The following RALGPS2 variants were observed in gnomAD, a reference collection of about 807,000 sequenced individuals.
The protein encoded by RALGPS2 is Ral GEF with PH domain and SH3 binding motif 2, also known as ras-specific guanine nucleotide-releasing factor RalGPS2.
Under a neutral mutation model 86.8 loss-of-function variants are expected in RALGPS2, and 43 were observed. The observed-to-expected ratio is 0.50, with a 90% CI of 0.39 to 0.64. The LOEUF is 0.64. Ranked by LOEUF, RALGPS2 falls within the 30% of genes least tolerant of loss-of-function variation. RALGPS2 has a pLI of 0.00. For synonymous variants in RALGPS2, 243 were observed against 231.3 expected (o/e 1.05, Z -0.46); for missense variants, 536 against 694.6 (o/e 0.77, Z 2.57).
intron 14 of RALGPS2, among the ~76,000 whole-genome samples, chr1:178,891,051 C>T (rs1448011690): frequency 6.6e-6 from 1 of 151,970 alleles, no homozygotes; most frequent in African/African-American, 2.4e-5. Context: ...GATTGCTTGA[C>T]TTATGACTAA....
chr1:178,865,503 G>T, intron 8 of RALGPS2: 2 of 1,614,080 alleles, frequency 1.2e-6, no homozygotes, highest in Non-Finnish European at 1.7e-6. Flanking sequence ...TGCCTGGAGA[G>T]CACATCCTTC....
At chr1:178,830,019 A>G (rs1411816270) in intron 7 of RALGPS2, among the ~76,000 whole-genome samples, 1 of 152,188 alleles carries the variant, frequency 6.6e-6, no homozygotes, top group Non-Finnish European at 1.5e-5. Flanking sequence ...TGCTAGGATT[A>G]CAAGCTTGAG....
At chr1:178,892,581 T>G (rs937681635) in intron 15 of RALGPS2, among the ~76,000 whole-genome samples, 2 of 152,138 alleles carry the variant, frequency 1.3e-5, no homozygotes, top group East Asian at 3.8e-4. Flanking sequence ...TGCACCAGTC[T>G]TTCTAATGCT....
intron 8 of RALGPS2, among the ~76,000 whole-genome samples, chr1:178,859,127 T>C (rs1386590677): frequency 7.6e-6 from 1 of 131,780 alleles, no homozygotes; most frequent in Non-Finnish European, 1.6e-5. Context: ...TTAAACTGTA[T>C]TTAGCAACCC....
intron 8 of RALGPS2, among the ~76,000 whole-genome samples, chr1:178,859,089 G>T (rs1415079178): frequency 6.6e-6 from 1 of 152,016 alleles, no homozygotes; most frequent in African/African-American, 2.4e-5. Context: ...GTAATAATAT[G>T]AATTACTTAG....
intron 1 of RALGPS2, among the ~76,000 whole-genome samples, chr1:178,770,983 C>T (rs1301240271): frequency 1.3e-5 from 2 of 151,524 alleles, no homozygotes; most frequent in African/African-American, 4.9e-5. Context: ...GGATTACAGG[C>T]GCCGGCCACC....
chr1:178,820,926 T>G (rs1323888349), intron 6 of RALGPS2, among the ~76,000 whole-genome samples: 2 of 152,222 alleles, frequency 1.3e-5, no homozygotes, highest in South Asian at 2.1e-4. Context: ...GTAAAATGAC[T>G]GATTTTTAGA....
chr1:178,856,214 T>TAG (rs1243864255), intron 8 of RALGPS2, among the ~76,000 whole-genome samples: 1 of 74,836 alleles, frequency 1.3e-5, no homozygotes, highest in Non-Finnish European at 3.1e-5. Flanking sequence ...TATATATATA[T>TAG]ATATATATAT....
chr1:178,775,313 A>G (rs941749725), intron 1 of RALGPS2, among the ~76,000 whole-genome samples: 1 of 152,166 alleles, frequency 6.6e-6, no homozygotes, highest in Non-Finnish European at 1.5e-5. Context: ...AAATCACTAT[A>G]TCCTATATTG....
chr1:178,728,368 G>A (rs1176472407), intron 1 of RALGPS2, among the ~76,000 whole-genome samples: 2 of 136,930 alleles, frequency 1.5e-5, no homozygotes, highest in East Asian at 4.3e-4. Flanking sequence ...TCTTTTGTGA[G>A]TTAAACTTTA....
chr1:178,774,223 T>C (rs1652965937), intron 1 of RALGPS2, among the ~76,000 whole-genome samples: 1 of 151,840 alleles, frequency 6.6e-6, no homozygotes, highest in Non-Finnish European at 1.5e-5. Flanking sequence ...TGCAGTGAGC[T>C]GAGATCATGC....
intron 7 of RALGPS2, among the ~76,000 whole-genome samples, chr1:178,831,676 CTT>C (rs1204097478): frequency 7.6e-6 from 1 of 132,428 alleles, no homozygotes; most frequent in Non-Finnish European, 1.6e-5. Flanking sequence ...AGTAAAGAGA[CTT>C]TTTAAATATA....
chr1:178,794,135 G>T, intron 4 of RALGPS2, among the ~76,000 whole-genome samples: 2 of 150,434 alleles, frequency 1.3e-5, no homozygotes, highest in Admixed American at 6.6e-5. Context: ...TTCTTTTTTT[G>T]AGACATGATC....
intron 15 of RALGPS2, among the ~76,000 whole-genome samples, chr1:178,893,378 G>T (rs1387782203): frequency 6.6e-6 from 1 of 150,712 alleles, no homozygotes; most frequent in South Asian, 2.1e-4. Context: ...ATTGCAGAAA[G>T]CTAGTTTTTA....
chr1:178,881,233 C>T (rs887148874), intron 10 of RALGPS2, among the ~76,000 whole-genome samples: 1 of 152,046 alleles, frequency 6.6e-6, no homozygotes, highest in African/African-American at 2.4e-5. Flanking sequence ...CTAGCTTTAC[C>T]TAGGAAAACT....
chr1:178,801,786 G>A (rs897120441), intron 4 of RALGPS2, among the ~76,000 whole-genome samples: 1 of 137,444 alleles, frequency 7.3e-6, no homozygotes, highest in Non-Finnish European at 1.6e-5. Flanking sequence ...CCACACCAGA[G>A]GAATTAACAA....
At chr1:178,866,086 A>G (rs1033381509) in intron 8 of RALGPS2, among the ~76,000 whole-genome samples, 1 of 152,018 alleles carries the variant, frequency 6.6e-6, no homozygotes, top group South Asian at 2.1e-4. Context: ...GTCAGTGTCT[A>G]CTCTGTGCAA....
intron 8 of RALGPS2, among the ~76,000 whole-genome samples, chr1:178,857,719 C>T (rs73039842): frequency 1.3e-5 from 2 of 152,042 alleles, no homozygotes; most frequent in Non-Finnish European, 1.5e-5. Flanking sequence ...AATGTTTACT[C>T]TGCATTCATT....
intron 1 of RALGPS2, among the ~76,000 whole-genome samples, chr1:178,730,626 C>T (rs1056144434): frequency 2.7e-5 from 4 of 149,546 alleles, no homozygotes; most frequent in African/African-American, 7.3e-5. Flanking sequence ...CAAATCTGCA[C>T]TTTTGCCTTC....
Sources: gnomAD v4.1 joint callset for allele counts (sites outside exome capture counted in the v4.1 genomes callset) on GRCh38, gnomAD v4.1.1 for gene constraint, MANE v1.5 for transcripts, NCBI Gene and HGNC (gene_info 2026-07-23, HGNC 2026-07-21) for gene names.